Variants in ADK observed in about 807,000 individuals in gnomAD.
ADK encodes adenosine kinase, also known as N6,N6-dimethyladenosine kinase.
Under a neutral mutation model 44.7 loss-of-function variants are expected in ADK, and 24 were observed. That is an observed-to-expected ratio of 0.54 (90% confidence interval 0.39 to 0.76). The LOEUF is 0.76. ADK is among the 30% of genes least tolerant of loss of function. ADK has a pLI of 0.00. For synonymous variants in ADK, 128 were observed against 142.6 expected (o/e 0.90, Z 0.73); for missense variants, 321 against 425.1 (o/e 0.76, Z 2.15).
chr10:74,653,010 A>T (rs1854329183), intron 9 of ADK, among the ~76,000 whole-genome samples: 1 of 152,150 alleles, frequency 6.6e-6, no homozygotes, highest in Non-Finnish European at 1.5e-5. Context: ...ACCCGTCACT[A>T]TTATTGACGG....
rs542120101 is a variant in ADK, at chr10:74,251,975, T to G, written c.194+27384T>G. ...AATTCTGTATAGTCTAGGCCACTCATGATTATCCCATTTTTCTTGCTAGTC... is the reference window on the plus strand; with the variant it reads ...AATTCTGTATAGTCTAGGCCACTCAGGATTATCCCATTTTTCTTGCTAGTC... On this transcript the variant is annotated intron_variant, in intron 3 of 10. Transcript: ENST00000539909. 6.9e-5 allele frequency among the ~76,000 whole-genome samples: 10 copies of G among 144,500 alleles called. No homozygotes were observed. The East Asian group carries it at 1.0e-3, about 15-fold the overall frequency. The allele number at this position is 144,500 out of a possible 152,430, so 94.8% of individuals were successfully genotyped here.
At chr10:74,682,717 G>T (rs1286275783) in intron 10 of ADK, among the ~76,000 whole-genome samples, 3 of 151,866 alleles carry the variant, frequency 2.0e-5, no homozygotes, top group Non-Finnish European at 4.4e-5. Flanking sequence ...GGGACTACAG[G>T]TGTGCACCAC....
chr10:74,342,556 A>G (rs1841614975), intron 4 of ADK, among the ~76,000 whole-genome samples: 2 of 152,054 alleles, frequency 1.3e-5, no homozygotes, highest in Admixed American at 1.3e-4. Context: ...CACTGCAGCC[A>G]CAATCTCCTA....
chr10:74,498,885 T>C (rs545828380), intron 6 of ADK, among the ~76,000 whole-genome samples: 1 of 152,288 alleles, frequency 6.6e-6, no homozygotes. Flanking sequence ...CCATAAAAAA[T>C]GATGTGTTCA....
At chr10:74,620,419 C>A (rs753195500) in intron 9 of ADK, among the ~76,000 whole-genome samples, 1 of 152,236 alleles carries the variant, frequency 6.6e-6, no homozygotes, top group Non-Finnish European at 1.5e-5. Context: ...TCTTACAGTT[C>A]CATCCATGTT....
intron 8 of ADK, among the ~76,000 whole-genome samples, 199 bp downstream of exon 8, chr10:74,589,516 A>G (rs983888855): frequency 6.6e-6 from 1 of 152,112 alleles, no homozygotes; most frequent in African/African-American, 2.4e-5. Context: ...TCTGCACCCA[A>G]CATCGCCTAC....
At chr10:74,220,208 A>C (rs1245076860) in intron 2 of ADK, among the ~76,000 whole-genome samples, 1 of 151,910 alleles carries the variant, frequency 6.6e-6, no homozygotes, top group African/African-American at 2.4e-5. Context: ...ATCCCACAGA[A>C]ATACAAACTA....
intron 3 of ADK, among the ~76,000 whole-genome samples, chr10:74,246,108 C>T (rs1258027137): frequency 6.6e-6 from 1 of 151,874 alleles, no homozygotes; most frequent in Non-Finnish European, 1.5e-5. Flanking sequence ...GATTCAAGGG[C>T]CTCTTGTGGG....
At chr10:74,655,390 G>A in intron 9 of ADK, 1 of 411,278 alleles carries the variant, frequency 2.4e-6, no homozygotes, top group South Asian at 2.0e-5. Context: ...AGAAGAAAGA[G>A]TTGGACGAAG....
At chr10:74,576,601 C>A (rs749436838) in intron 7 of ADK, among the ~76,000 whole-genome samples, 2 of 151,934 alleles carry the variant, frequency 1.3e-5, no homozygotes, top group African/African-American at 4.8e-5. Flanking sequence ...GTTGGTGACC[C>A]GTGAGAAAAG....
intron 10 of ADK, among the ~76,000 whole-genome samples, chr10:74,696,333 T>G (rs1183160012): frequency 6.6e-6 from 1 of 150,888 alleles, no homozygotes; most frequent in Non-Finnish European, 1.5e-5. Context: ...ATTATTATTA[T>G]TTTATTTTTA....
chr10:74,327,915 G>T (rs1841075999), intron 4 of ADK, among the ~76,000 whole-genome samples: 1 of 151,872 alleles, frequency 6.6e-6, no homozygotes, highest in Admixed American at 6.6e-5. Flanking sequence ...CTCACATTTT[G>T]AATTTTTTTC....
intron 6 of ADK, among the ~76,000 whole-genome samples, chr10:74,422,594 A>G (rs543292479): frequency 4.0e-4 from 61 of 152,286 alleles, no homozygotes; most frequent in Admixed American, 1.4e-3. Flanking sequence ...TGTATATTAA[A>G]CTTGCAATTT....
chr10:74,541,454 C>A (rs369653622), intron 7 of ADK, among the ~76,000 whole-genome samples: 3 of 152,128 alleles, frequency 2.0e-5, no homozygotes, highest in Non-Finnish European at 2.9e-5. Context: ...ACATTTCCTT[C>A]GTCTCTTTAA....
intron 6 of ADK, among the ~76,000 whole-genome samples, chr10:74,439,437 A>T (rs958391680): frequency 6.6e-6 from 1 of 152,196 alleles, no homozygotes; most frequent in Admixed American, 6.5e-5. Context: ...TTATGGCATT[A>T]ATCTAATTCC....
chr10:74,331,685 C>T (rs951901640), intron 4 of ADK, among the ~76,000 whole-genome samples: 4 of 152,086 alleles, frequency 2.6e-5, no homozygotes, highest in Non-Finnish European at 5.9e-5. Flanking sequence ...GGGATTTCAT[C>T]ATGTTGGCAA....
intron 9 of ADK, among the ~76,000 whole-genome samples, chr10:74,620,350 C>G (rs148858931): frequency 2.0e-5 from 3 of 152,248 alleles, no homozygotes; most frequent in Admixed American, 2.0e-4. Context: ...CTTCCACGTA[C>G]GAGTGAGAAT....
chr10:74,485,001 G>T (rs1358377722), intron 6 of ADK, among the ~76,000 whole-genome samples: 1 of 151,534 alleles, frequency 6.6e-6, no homozygotes, highest in Non-Finnish European at 1.5e-5. Context: ...TCTTAAGCAG[G>T]ACACAAAAGC....
intron 3 of ADK, among the ~76,000 whole-genome samples, chr10:74,282,875 G>A (rs960708309): frequency 2.0e-5 from 3 of 151,974 alleles, no homozygotes; most frequent in Non-Finnish European, 2.9e-5. Flanking sequence ...AAATCACCTG[G>A]TGTAGAATGT....
Sources: gnomAD v4.1 joint callset for allele counts (sites outside exome capture counted in the v4.1 genomes callset) on GRCh38, gnomAD v4.1.1 for gene constraint, MANE v1.5 for transcripts, NCBI Gene and HGNC (gene_info 2026-07-23, HGNC 2026-07-21) for gene names.